The following DLGAP2 variants were observed in gnomAD, a reference collection of about 807,000 sequenced individuals.
DLGAP2 encodes DLG associated protein 2.
A neutral mutation model predicts 100.3 loss-of-function variants in DLGAP2; 26 were observed. The ratio of observed to expected loss-of-function variants is 0.26; its 90% CI spans 0.19 to 0.36. DLGAP2 has a LOEUF of 0.36. Ranked by LOEUF, DLGAP2 falls within the 10% of genes least tolerant of loss-of-function variation. The pLI, the probability that DLGAP2 is intolerant of heterozygous loss-of-function variation, is 1.00. For synonymous variants in DLGAP2, 886 were observed against 630.1 expected (o/e 1.41, Z -6.08); for missense variants, 1,858 against 1,453.2 (o/e 1.28, Z -4.53).
At chr8:837,621 C>A (rs980480954) in intron 1 of DLGAP2, among the ~76,000 whole-genome samples, 1 of 151,692 alleles carries the variant, frequency 6.6e-6, no homozygotes, top group African/African-American at 2.4e-5. Flanking sequence ...GCTTCCCAGG[C>A]TGGCTGCTGT....
chr8:750,690 G>A (rs961193959), intron 1 of DLGAP2, among the ~76,000 whole-genome samples: 2 of 152,134 alleles, frequency 1.3e-5, no homozygotes, highest in African/African-American at 2.4e-5. Flanking sequence ...GTCTGCCTCC[G>A]CCCTCCCCTG....
At chr8:1,135,992 C>G (rs576013460) in intron 2 of DLGAP2, among the ~76,000 whole-genome samples, 1 of 152,298 alleles carries the variant, frequency 6.6e-6, no homozygotes, top group South Asian at 2.1e-4. Context: ...GAGCCAGATC[C>G]TCCAAAAATC....
At chr8:905,380 G>A (rs1020542446) in intron 1 of DLGAP2, among the ~76,000 whole-genome samples, 10 of 152,126 alleles carry the variant, frequency 6.6e-5, no homozygotes, top group Admixed American at 2.6e-4. Context: ...CAGCTGCCCC[G>A]GGAACCCCAT....
intron 3 of DLGAP2, among the ~76,000 whole-genome samples, chr8:1,332,170 C>T (rs915287543): frequency 9.9e-5 from 15 of 151,726 alleles, no homozygotes; most frequent in Admixed American, 3.3e-4. Context: ...TGTGTGTGTG[C>T]GAATGTGAGC....
chr8:1,386,299 T>C (rs78888818), intron 3 of DLGAP2, among the ~76,000 whole-genome samples: 1,712 of 152,258 alleles, frequency 0.011, 36 homozygotes, highest in African/African-American at 0.039. Context: ...GGTGAGATTA[T>C]AGATGGCAGG....
intron 2 of DLGAP2, among the ~76,000 whole-genome samples, chr8:1,236,451 C>G (rs1798658009): frequency 3.0e-5 from 1 of 32,862 alleles, no homozygotes; most frequent in Admixed American, 2.9e-4. Context: ...GGTGCAGTGT[C>G]TAGTTCTCTC....
chr8:1,641,679 T>A (rs1797903242), intron 8 of DLGAP2, among the ~76,000 whole-genome samples: 1 of 152,128 alleles, frequency 6.6e-6, no homozygotes, highest in Admixed American at 6.5e-5. Context: ...GACTTCCACA[T>A]TGTTGTCCTA....
chr8:1,673,042 G>C (rs1298732365), intron 10 of DLGAP2, among the ~76,000 whole-genome samples: 5 of 152,240 alleles, frequency 3.3e-5, no homozygotes, highest in Non-Finnish European at 5.9e-5. Context: ...CTGCTAGCCT[G>C]GGACTGCATG....
intron 2 of DLGAP2, among the ~76,000 whole-genome samples, chr8:1,180,088 A>G (rs887993809): frequency 6.6e-6 from 1 of 152,254 alleles, no homozygotes; most frequent in Non-Finnish European, 1.5e-5. Flanking sequence ...TATCAATTCC[A>G]TAACATTCAA....
At chr8:1,186,633 TGTGA>T (rs1238838452) in intron 2 of DLGAP2, among the ~76,000 whole-genome samples, 3 of 152,088 alleles carry the variant, frequency 2.0e-5, no homozygotes, top group African/African-American at 7.2e-5. Context: ...TCCACTCCGT[TGTGA>T]GTATCTGTGG....
At chr8:1,001,272 C>T (rs1305464832) in intron 2 of DLGAP2, among the ~76,000 whole-genome samples, 6 of 152,204 alleles carry the variant, frequency 3.9e-5, no homozygotes, top group African/African-American at 1.4e-4. Context: ...TCCACTGGCT[C>T]TGTCAGAAGC....
rs2130781301 is a variant in DLGAP2, at chr8:1,632,894, C to G, written c.1658C>G (p.Ser553Cys). 6.2e-7 allele frequency: 1 copy of G among 1,613,980 alleles called. No homozygotes were observed. Among genetic ancestry groups the G allele is most frequent in the South Asian group, 1.1e-5 (1 of 91,078 alleles). Residue 553 changes from serine (S) to cysteine (C), a missense_variant, in exon 8 of 15, where the codon TCT becomes TGT. Coordinates refer to ENST00000637795, the MANE Select transcript of DLGAP2 (RefSeq NM_001346810.2). ...GAGTCCGTCTTCAGTGAAGTTGAAT[C>G]TCAGGCCATGGATGCCCTCGACCTC... ...VCESVFSEVE[S>C]QAMDALDLPG... is the part of the protein sequence containing the mutation.
intron 2 of DLGAP2, among the ~76,000 whole-genome samples, chr8:1,171,642 CTTCT>C (rs1797130728): frequency 6.6e-6 from 1 of 152,248 alleles, no homozygotes; most frequent in Admixed American, 6.5e-5. Context: ...ATGTAATGGC[CTTCT>C]TTGTCAACTT....
chr8:1,137,936 ATGGGCCGCCATGC>A (rs2129050091), intron 2 of DLGAP2, among the ~76,000 whole-genome samples: 1 of 152,212 alleles, frequency 6.6e-6, no homozygotes, highest in South Asian at 2.1e-4. Context: ...GACTGCAGGC[ATGGGCCGCCATGC>A]TGGTCACAAA....
chr8:1,606,942 C>T (rs552867074), intron 6 of DLGAP2, among the ~76,000 whole-genome samples: 3 of 152,348 alleles, frequency 2.0e-5, no homozygotes, highest in African/African-American at 4.8e-5. Context: ...ACCGCAGCCT[C>T]CCAAAGTGCT....
At chr8:1,497,944 C>A (rs914948294) in intron 3 of DLGAP2, among the ~76,000 whole-genome samples, 1 of 152,154 alleles carries the variant, frequency 6.6e-6, no homozygotes, top group African/African-American at 2.4e-5. Flanking sequence ...CTCAGGAGAT[C>A]CTGAGAACAT....
chr8:1,161,636 G>A (rs1796892157), intron 2 of DLGAP2, among the ~76,000 whole-genome samples: 1 of 152,216 alleles, frequency 6.6e-6, no homozygotes, highest in Non-Finnish European at 1.5e-5. Flanking sequence ...TGCACATGGT[G>A]GTGGGGTTTG....
chr8:1,599,623 A>T (rs1233877191), intron 6 of DLGAP2, among the ~76,000 whole-genome samples: 1 of 152,178 alleles, frequency 6.6e-6, no homozygotes, highest in Non-Finnish European at 1.5e-5. Context: ...CTTTACGATT[A>T]TGTGATGCTC....
intron 3 of DLGAP2, among the ~76,000 whole-genome samples, chr8:1,454,554 C>A (rs765461234): frequency 6.6e-6 from 1 of 152,130 alleles, no homozygotes; most frequent in Non-Finnish European, 1.5e-5. Flanking sequence ...GGGTTGAAAT[C>A]GACCAATGTG....
Sources: allele counts gnomAD v4.1 joint callset (sites outside exome capture counted in the v4.1 genomes callset), GRCh38; gene constraint gnomAD v4.1.1; transcripts MANE v1.5; gene names NCBI Gene and HGNC (gene_info 2026-07-23, HGNC 2026-07-21).